JMJD1C: variants seen among roughly 807,000 people sequenced by gnomAD.
JMJD1C encodes the protein jumonji domain-containing protein 1C.
In JMJD1C, 31 loss-of-function variants were observed where a neutral mutation model predicts 245.3. The observed-to-expected ratio is 0.13, with a 90% CI of 0.09 to 0.17. The LOEUF (loss-of-function observed/expected upper bound fraction) is 0.17, where lower values mean the gene tolerates loss of function less well. Among genes scored for constraint, JMJD1C ranks in the 10% least tolerant of loss-of-function variants. The pLI is 1.00. For synonymous variants in JMJD1C, 1,057 were observed against 1,017.4 expected, an observed-to-expected ratio of 1.04 and a Z score of -0.74; for missense variants, 2,691 against 3,000.2, an observed-to-expected ratio of 0.90 and a Z score of 2.41.
intron 1 of JMJD1C, among the ~76,000 whole-genome samples, chr10:63,423,767 A>G (rs1157322576): frequency 6.6e-6 from 1 of 152,238 alleles, no homozygotes; most frequent in African/African-American, 2.4e-5. Flanking sequence ...TCATCAATGT[A>G]TGAAGGTTCC....
chr10:63,354,310 G>A (rs1944615372), intron 2 of JMJD1C, among the ~76,000 whole-genome samples: 1 of 152,260 alleles, frequency 6.6e-6, no homozygotes, highest in Admixed American at 6.5e-5. Context: ...TTAATCTAAT[G>A]AAATTGTATA....
At chr10:63,397,602 C>T (rs1361055065) in intron 1 of JMJD1C, among the ~76,000 whole-genome samples, 4 of 152,076 alleles carry the variant, frequency 2.6e-5, no homozygotes, top group East Asian at 1.9e-4. Context: ...GGCACAATCA[C>T]GGTTCATTGC....
At position 63,168,425 on chromosome 10, in the gene JMJD1C, C is replaced by T. The variant is rs1477194979; in HGVS notation, c.7533+10G>A. On this transcript the variant is annotated intron_variant, in intron 25 of 25. Transcript: ENST00000399262. ...CCTGAAGAACAGGACCTAGAACACCCAACTCTTACCTGTAGTTTATCATCA... is the reference window on the plus strand; with the variant it reads ...CCTGAAGAACAGGACCTAGAACACCTAACTCTTACCTGTAGTTTATCATCA... 1.3e-6 allele frequency: 2 copies of T among 1,598,648 alleles called. No homozygotes were observed. The highest frequency in any genetic ancestry group is 4.5e-5 in the East Asian group (2 of 44,706).
chr10:63,388,999 A>G (rs1406066903), intron 1 of JMJD1C, among the ~76,000 whole-genome samples: 1 of 152,222 alleles, frequency 6.6e-6, no homozygotes, highest in Non-Finnish European at 1.5e-5. Context: ...CAAACAGCAG[A>G]GGACCCAGAT....
intron 1 of JMJD1C, among the ~76,000 whole-genome samples, chr10:63,519,041 T>C (rs978289951): frequency 2.0e-5 from 3 of 152,234 alleles, no homozygotes; most frequent in Admixed American, 6.5e-5. Flanking sequence ...GCTTTTTAAG[T>C]TGTCAGAATG....
chr10:63,260,819 C>G (rs1190466593), intron 3 of JMJD1C, among the ~76,000 whole-genome samples: 2 of 152,074 alleles, frequency 1.3e-5, no homozygotes, highest in African/African-American at 4.8e-5. Context: ...TCTCGAACTC[C>G]TGACCTCATG....
At chr10:63,433,433 A>T (rs1184910049) in intron 1 of JMJD1C, among the ~76,000 whole-genome samples, 3 of 152,204 alleles carry the variant, frequency 2.0e-5, no homozygotes, top group South Asian at 2.1e-4. Flanking sequence ...CTGAGAATTT[A>T]AAAAATAGCA....
chr10:63,208,010 T>C lies in JMJD1C; in HGVS notation c.3659A>G (p.Lys1220Arg), dbSNP rs866573719. The C allele has an allele frequency of 1.2e-5, 19 of 1,614,168 alleles. No homozygotes were observed. In the Middle Eastern group the frequency reaches 2.6e-3, roughly 224 times the overall value. ...HPPIHHSLER[K>R]EGSYSSLSPP... ...GGAAAGACTACTATAGCTGCCTTCC[T>C]TTCTTTCCAGGCTGTGATGGATTGG... The change falls in exon 10 of 26, where the codon AAG (lysine) becomes AGG (arginine). Residue 1220 changes from lysine (K) to arginine (R), a missense_variant. Lys to Arg is a conservative substitution (Grantham distance 26). This residue lies in a region of JMJD1C where 1,562 missense variants were observed against 1,490.7 expected (regional missense o/e 1.05). Transcript: ENST00000399262.
chr10:63,443,421 C>T (rs1368493172), intron 1 of JMJD1C, among the ~76,000 whole-genome samples: 1 of 152,210 alleles, frequency 6.6e-6, no homozygotes, highest in Non-Finnish European at 1.5e-5. Context: ...AGTGATTCTC[C>T]AGCCTCAGCC....
At chr10:63,235,798 C>T (rs1850661745) in intron 3 of JMJD1C, among the ~76,000 whole-genome samples, 1 of 152,126 alleles carries the variant, frequency 6.6e-6, no homozygotes, top group Admixed American at 6.6e-5. Flanking sequence ...TACCCTTTTC[C>T]CCATCCATGC....
At chr10:63,247,086 C>A (rs1267309498) in intron 3 of JMJD1C, among the ~76,000 whole-genome samples, 4 of 117,636 alleles carry the variant, frequency 3.4e-5, no homozygotes, top group South Asian at 2.7e-4. Context: ...AAAGTGAGAA[C>A]GGAAATAAAC....
chr10:63,474,875 G>A (rs1369641169), intron 1 of JMJD1C, among the ~76,000 whole-genome samples: 1 of 151,882 alleles, frequency 6.6e-6, no homozygotes, highest in African/African-American at 2.4e-5. Flanking sequence ...AAAAGAATGA[G>A]TAATAATGTA....
chr10:63,289,281 C>T (rs1012985297), intron 2 of JMJD1C, among the ~76,000 whole-genome samples: 1 of 149,884 alleles, frequency 6.7e-6, no homozygotes, highest in Non-Finnish European at 1.5e-5. Flanking sequence ...ACAAGACTTT[C>T]ATTTGGTTTA....
chr10:63,177,131 A>C (rs1449555563), intron 23 of JMJD1C: 1 of 152,992 alleles, frequency 6.5e-6, no homozygotes, highest in Non-Finnish European at 1.5e-5. Context: ...TTCTTAAAAC[A>C]AATTTCCATA....
chr10:63,290,125 T>C (rs1858467238), intron 2 of JMJD1C, among the ~76,000 whole-genome samples: 1 of 152,126 alleles, frequency 6.6e-6, no homozygotes, highest in African/African-American at 2.4e-5. Flanking sequence ...TAACCCAAAC[T>C]TTTATAACTG....
chr10:63,389,942 C>T (rs1053968750), intron 1 of JMJD1C, among the ~76,000 whole-genome samples: 12 of 152,070 alleles, frequency 7.9e-5, no homozygotes, highest in African/African-American at 2.9e-4. Flanking sequence ...CAAAAAGTAA[C>T]AGAATTTCAA....
At chr10:63,305,376 ACAAAAAAC>A (rs763110920) in intron 2 of JMJD1C, among the ~76,000 whole-genome samples, 23,147 of 68,888 alleles carry the variant, frequency 0.34, 3,894 homozygotes, top group Non-Finnish European at 0.51. Flanking sequence ...CAAAAAAAAA[ACAAAAAAC>A]AAAAAAGGTT....
chr10:63,447,090 C>T (rs1283318639), intron 1 of JMJD1C, among the ~76,000 whole-genome samples: 2 of 142,238 alleles, frequency 1.4e-5, no homozygotes, highest in Non-Finnish European at 3.1e-5. Flanking sequence ...AAAAAAAAGA[C>T]AAAACAGTAT....
At chr10:63,475,965 T>G (rs534310906) in intron 1 of JMJD1C, among the ~76,000 whole-genome samples, 3 of 152,054 alleles carry the variant, frequency 2.0e-5, no homozygotes, top group African/African-American at 7.2e-5. Context: ...TCCCAGCACT[T>G]TGGGAGGCTG....
Sources: gnomAD v4.1 joint callset for allele counts (sites outside exome capture counted in the v4.1 genomes callset) on GRCh38, gnomAD v4.1.1 for gene constraint, gnomAD v4.1.1 regional missense constraint, MANE v1.5 for transcripts, NCBI Gene and HGNC (gene_info 2026-07-23, HGNC 2026-07-21) for gene names.